TTC6: variants seen among roughly 807,000 people sequenced by gnomAD.
The protein encoded by TTC6 is tetratricopeptide repeat domain 6.
TTC6 carries 172 observed loss-of-function variants against 210.4 expected under a neutral mutation model. The ratio of observed to expected loss-of-function variants is 0.82; its 90% CI spans 0.72 to 0.93. The LOEUF is 0.93. Among genes scored for constraint, TTC6 ranks in the 40% least tolerant of loss-of-function variants. The pLI is 0.00. For synonymous variants in TTC6, 804 were observed against 819.6 expected (o/e 0.98, Z 0.32); for missense variants, 2,414 against 2,318.1 (o/e 1.04, Z -0.85).
At chr14:37,665,309 T>C (rs1156923802) in intron 1 of TTC6, among the ~76,000 whole-genome samples, 1 of 150,734 alleles carries the variant, frequency 6.6e-6, no homozygotes, top group Non-Finnish European at 1.5e-5. Flanking sequence ...CATGGAATAC[T>C]ATGCAGCCAT....
At chr14:37,726,899 C>T (rs528063415) in intron 7 of TTC6, among the ~76,000 whole-genome samples, 2 of 151,994 alleles carry the variant, frequency 1.3e-5, no homozygotes, top group Non-Finnish European at 2.9e-5. Flanking sequence ...ATATTCCTTT[C>T]TAATATTGCA....
exon 23 of TTC6, chr14:37,807,360 G>C: frequency 6.5e-7 from 1 of 1,529,760 alleles, no homozygotes; most frequent in Non-Finnish European, 8.8e-7. Context: ...TTAAAAGGCA[G>C]GTATTCCAAA....
chr14:37,671,349 T>A (rs967219333), intron 1 of TTC6, among the ~76,000 whole-genome samples: 1 of 152,160 alleles, frequency 6.6e-6, no homozygotes, highest in African/African-American at 2.4e-5. Context: ...TGCTATATCT[T>A]ATTGATTACA....
At chr14:37,684,996 A>C (rs2095791056) in intron 3 of TTC6, among the ~76,000 whole-genome samples, 1 of 152,182 alleles carries the variant, frequency 6.6e-6, no homozygotes, top group African/African-American at 2.4e-5. Context: ...ATCCTTACCT[A>C]ATTGGCCATT....
chr14:37,765,929 A>G (rs1464475163), intron 14 of TTC6, among the ~76,000 whole-genome samples: 4 of 152,120 alleles, frequency 2.6e-5, no homozygotes, highest in Admixed American at 2.6e-4. Flanking sequence ...TCCTTTGTAT[A>G]TGATGAGTCA....
At chr14:37,775,021 A>C (rs113210026) in intron 14 of TTC6, among the ~76,000 whole-genome samples, 1 of 152,098 alleles carries the variant, frequency 6.6e-6, no homozygotes, top group Admixed American at 6.5e-5. Context: ...GCTTGTGTGC[A>C]TAGTGTTCAT....
At chr14:37,638,770 T>G (rs2095685871) in intron 1 of TTC6, among the ~76,000 whole-genome samples, 1 of 152,202 alleles carries the variant, frequency 6.6e-6, no homozygotes, top group Non-Finnish European at 1.5e-5. Flanking sequence ...TAAAGAGATA[T>G]CTCTGTATTT....
intron 3 of TTC6, among the ~76,000 whole-genome samples, chr14:37,695,975 T>G (rs2095814082): frequency 6.6e-6 from 1 of 152,170 alleles, no homozygotes; most frequent in African/African-American, 2.4e-5. Context: ...AAAACTTCAG[T>G]GTTTTTCCTG....
At chr14:37,785,359 C>T (rs1240428256) in intron 14 of TTC6, among the ~76,000 whole-genome samples, 2 of 152,132 alleles carry the variant, frequency 1.3e-5, no homozygotes, top group African/African-American at 2.4e-5. Context: ...CACTTCATTT[C>T]ATTAATTTGA....
chr14:37,661,188 T>A (rs1048710805), intron 1 of TTC6, among the ~76,000 whole-genome samples: 23 of 152,218 alleles, frequency 1.5e-4, no homozygotes, highest in Admixed American at 2.0e-4. Context: ...CTCTTTAGTT[T>A]AATTAGATCC....
intron 1 of TTC6, among the ~76,000 whole-genome samples, chr14:37,641,135 C>G (rs890192250): frequency 1.3e-5 from 2 of 152,194 alleles, no homozygotes; most frequent in Non-Finnish European, 2.9e-5. Context: ...ATATAGTTAT[C>G]TTGACAGCAA....
exon 9 of TTC6, chr14:37,737,729 C>A: frequency 1.3e-6 from 2 of 1,493,284 alleles, no homozygotes; most frequent in South Asian, 1.3e-5. Flanking sequence ...ACCTACACAA[C>A]TAAGGGTATT....
At chr14:37,784,008 A>AT in intron 14 of TTC6, among the ~76,000 whole-genome samples, 1 of 152,110 alleles carries the variant, frequency 6.6e-6, no homozygotes, top group Non-Finnish European at 1.5e-5. Context: ...GTTTGTTATA[A>AT]TTTCTGTTCT....
Position 37,792,252 on chromosome 14 carries a change from A to ATT in TTC6, c.3558-4_3558-3dup. ...ATGTTTAACAAGATTTCACTTTCTCATTTTTTTTTAGAACTATTACTTTGG... is the reference window on the plus strand; with the variant it reads ...ATGTTTAACAAGATTTCACTTTCTCATTTTTTTTTTTAGAACTATTACTTTGG... On this transcript the variant is annotated splice_polypyrimidine_tract_variant and intron_variant, in intron 16 of 30. Transcript: ENST00000553443. The ATT allele has an allele frequency of 1.4e-6, 2 of 1,456,736 alleles. No homozygotes were observed. Among genetic ancestry groups the ATT allele is most frequent in the Admixed American group, 2.5e-5 (1 of 39,646 alleles). The allele number at this position is 1,456,736 out of a possible 1,614,324, so 90.2% of individuals were successfully genotyped here.
At chr14:37,654,783 T>C (rs917901162) in intron 1 of TTC6, among the ~76,000 whole-genome samples, 3 of 152,126 alleles carry the variant, frequency 2.0e-5, no homozygotes, top group African/African-American at 7.2e-5. Flanking sequence ...TAAGAGAAAA[T>C]ATATAGTTGA....
At chr14:37,744,513 A>G (rs568370066) in intron 10 of TTC6, among the ~76,000 whole-genome samples, 1 of 152,328 alleles carries the variant, frequency 6.6e-6, no homozygotes, top group Admixed American at 6.5e-5. Flanking sequence ...AGTTGGAGAC[A>G]TGCTTTTTGC....
At position 37,753,224 on chromosome 14, in the gene TTC6, TTCTC is replaced by T; in HGVS notation, c.3256_3259del (p.Ser1086LysfsTer29). On this transcript the variant is annotated frameshift_variant, in exon 14 of 31. Transcript: ENST00000553443. LOFTEE classifies it high-confidence loss of function. ...CCTTGTTAAATATAGATCACCAAAA[TTCTC>T]AAGCAAGGTAAGAATGATTTTAGAT... 6.5e-7 allele frequency: 1 copy of T among 1,530,302 alleles called. No individual in the cohort carries two copies. The highest frequency in any genetic ancestry group is 8.7e-7 in the Non-Finnish European group (1 of 1,144,432). The allele number at this position is 1,530,302 out of a possible 1,614,324, so 94.8% of individuals were successfully genotyped here. A position where few individuals can be genotyped will look rare whatever the true frequency, so the allele number is the denominator to read the frequency against.
chr14:37,698,666 T>C (rs537402284), intron 4 of TTC6, among the ~76,000 whole-genome samples: 4 of 152,268 alleles, frequency 2.6e-5, no homozygotes, highest in African/African-American at 9.6e-5. Context: ...CATATCCTAT[T>C]TTTGTTAGGC....
chr14:37,824,031 T>A (rs2096164566), intron 27 of TTC6, 74 bp downstream of exon 29: 2 of 1,285,408 alleles, frequency 1.6e-6, no homozygotes, highest in Non-Finnish European at 2.2e-6. Flanking sequence ...TTCCTGGCAA[T>A]GGGAGTATAT....
Sources: allele counts gnomAD v4.1 joint callset (sites outside exome capture counted in the v4.1 genomes callset), GRCh38; gene constraint gnomAD v4.1.1; transcripts MANE v1.5; gene names NCBI Gene and HGNC (gene_info 2026-07-23, HGNC 2026-07-21).